The following CTNNA2 variants were observed in gnomAD, a reference collection of about 807,000 sequenced individuals.
CTNNA2 encodes catenin alpha-2.
A neutral mutation model predicts 101.0 loss-of-function variants in CTNNA2; 42 were observed. The ratio of observed to expected loss-of-function variants is 0.42; its 90% CI spans 0.32 to 0.54. CTNNA2 has a LOEUF of 0.54. CTNNA2 is among the 20% of genes least tolerant of loss of function. The pLI, the probability that CTNNA2 is intolerant of heterozygous loss-of-function variation, is 0.14. For synonymous variants in CTNNA2, 450 were observed against 456.4 expected, an observed-to-expected ratio of 0.99 and a Z score of 0.18; for missense variants, 871 against 1,223.1, an observed-to-expected ratio of 0.71 and a Z score of 4.29.
chr2:80,434,865 T>G (rs945161943), intron 9 of CTNNA2, among the ~76,000 whole-genome samples: 1 of 152,156 alleles, frequency 6.6e-6, no homozygotes, highest in Non-Finnish European at 1.5e-5. Flanking sequence ...GTCAGGGCAC[T>G]ATGGAGAGAT....
intron 9 of CTNNA2, among the ~76,000 whole-genome samples, chr2:80,483,434 A>G (rs1686305399): frequency 1.3e-5 from 2 of 151,252 alleles, no homozygotes; most frequent in South Asian, 4.2e-4. Context: ...ATTGTGCATC[A>G]AAGATGATCA....
chr2:79,235,173 G>T (rs1674540359), intron 2 of CTNNA2, among the ~76,000 whole-genome samples: 1 of 152,208 alleles, frequency 6.6e-6, no homozygotes, highest in Non-Finnish European at 1.5e-5. Context: ...TAACTATGAT[G>T]TGGATTGAGT....
At chr2:79,543,891 C>T (rs1673569536) in intron 1 of CTNNA2, among the ~76,000 whole-genome samples, 2 of 152,086 alleles carry the variant, frequency 1.3e-5, no homozygotes, top group African/African-American at 4.8e-5. Context: ...AAAAGGACAA[C>T]AAGTATTCTT....
At chr2:80,079,895 T>TA (rs1462703412) in intron 7 of CTNNA2, among the ~76,000 whole-genome samples, 20 of 115,046 alleles carry the variant, frequency 1.7e-4, no homozygotes, top group African/African-American at 5.4e-4. Flanking sequence ...TAAAATAAAA[T>TA]AAATAAAATA....
chr2:79,689,689 A>AT (rs1237223963), intron 2 of CTNNA2, among the ~76,000 whole-genome samples: 1 of 152,054 alleles, frequency 6.6e-6, no homozygotes, highest in Admixed American at 6.6e-5. Context: ...GGGTATTTAA[A>AT]TATAATAGAT....
At chr2:80,168,456 G>A (rs1431739792) in intron 7 of CTNNA2, among the ~76,000 whole-genome samples, 3 of 152,060 alleles carry the variant, frequency 2.0e-5, no homozygotes. Context: ...GGTGTCAGAT[G>A]AATGGTACAG....
intron 3 of CTNNA2, among the ~76,000 whole-genome samples, chr2:79,773,408 A>G (rs930941117): frequency 6.6e-6 from 1 of 152,208 alleles, no homozygotes; most frequent in African/African-American, 2.4e-5. Flanking sequence ...TGAGACATCA[A>G]TCAATATATG....
At chr2:79,532,965 C>T (rs965274325) in intron 1 of CTNNA2, among the ~76,000 whole-genome samples, 1 of 152,008 alleles carries the variant, frequency 6.6e-6, no homozygotes, top group Non-Finnish European at 1.5e-5. Flanking sequence ...TAAGGGAACC[C>T]TCTTCCCTGA....
intron 3 of CTNNA2, among the ~76,000 whole-genome samples, chr2:79,835,723 C>G (rs1414087777): frequency 1.7e-5 from 2 of 116,588 alleles, no homozygotes; most frequent in Admixed American, 2.3e-4. Flanking sequence ...TGTTGCTGTG[C>G]CCGGATTCAA....
intron 2 of CTNNA2, among the ~76,000 whole-genome samples, chr2:79,665,872 A>T (rs999675587): frequency 2.0e-5 from 3 of 152,196 alleles, no homozygotes; most frequent in Non-Finnish European, 4.4e-5. Context: ...CTACTTGAAT[A>T]TGATGTTATT....
At chr2:80,130,965 C>CAA (rs1702381707) in intron 7 of CTNNA2, among the ~76,000 whole-genome samples, 1 of 146,242 alleles carries the variant, frequency 6.8e-6, no homozygotes, top group African/African-American at 2.6e-5. Flanking sequence ...CACAGCTATA[C>CAA]CAAAAAAAAA....
chr2:79,711,079 A>T (rs1206682654), intron 2 of CTNNA2, among the ~76,000 whole-genome samples: 1 of 152,212 alleles, frequency 6.6e-6, no homozygotes, highest in East Asian at 1.9e-4. Context: ...GTAGTGGTAT[A>T]CAAAAGTAGG....
At chr2:79,523,438 G>T in intron 1 of CTNNA2, 6 of 187,666 alleles carry the variant, frequency 3.2e-5, no homozygotes, top group East Asian at 3.1e-4. Flanking sequence ...ATACACCATT[G>T]TTTTTTTTAA....
chr2:79,400,113 G>A (rs1357318200), intron 4 of CTNNA2, among the ~76,000 whole-genome samples: 1 of 152,036 alleles, frequency 6.6e-6, no homozygotes, highest in Non-Finnish European at 1.5e-5. Flanking sequence ...AAAGCAGGGA[G>A]GGGTCTTCCA....
intron 1 of CTNNA2, among the ~76,000 whole-genome samples, chr2:79,195,063 G>T (rs940504615): frequency 6.6e-6 from 1 of 152,018 alleles, no homozygotes; most frequent in Admixed American, 6.6e-5. Flanking sequence ...TAGTATTCAG[G>T]TGCTTTCTTT....
At chr2:79,313,392 AT>A (rs1452999245) in intron 3 of CTNNA2, among the ~76,000 whole-genome samples, 1 of 152,234 alleles carries the variant, frequency 6.6e-6, no homozygotes, top group African/African-American at 2.4e-5. Flanking sequence ...CATTTACTGT[AT>A]GTCAAGAACT....
At chr2:79,717,045 C>A (rs1194843043) in intron 2 of CTNNA2, among the ~76,000 whole-genome samples, 1 of 152,008 alleles carries the variant, frequency 6.6e-6, no homozygotes, top group Non-Finnish European at 1.5e-5. Context: ...TAGGACATAG[C>A]AAATATAAAT....
chr2:80,088,436 CT>C (rs1699581266), intron 7 of CTNNA2, among the ~76,000 whole-genome samples: 1 of 151,926 alleles, frequency 6.6e-6, no homozygotes, highest in Non-Finnish European at 1.5e-5. Context: ...CTAAGGCTGT[CT>C]TGTCCCTTAT....
At chr2:79,497,163 G>A (rs1437844306) in intron 4 of CTNNA2, among the ~76,000 whole-genome samples, 2 of 152,204 alleles carry the variant, frequency 1.3e-5, no homozygotes, top group African/African-American at 4.8e-5. Context: ...AGTCCCACAT[G>A]GCAGGGGCCT....
Sources: gnomAD v4.1 joint callset for allele counts (sites outside exome capture counted in the v4.1 genomes callset) on GRCh38, gnomAD v4.1.1 for gene constraint, MANE v1.5 for transcripts, NCBI Gene and HGNC (gene_info 2026-07-23, HGNC 2026-07-21) for gene names.